Variants in XKR5 observed in about 807,000 individuals in gnomAD.
XKR5 encodes the protein XK related 5, also known as XK-related protein 5.
In XKR5, 46 loss-of-function variants were observed where a neutral mutation model predicts 40.8. That is an observed-to-expected ratio of 1.13 (90% CI 0.89 to 1.44). XKR5 has a LOEUF of 1.44. Ranked by LOEUF, XKR5 falls within the 40% of genes most tolerant of loss-of-function variation. XKR5 has a pLI of 0.00. For missense variants in XKR5, 1,169 were observed against 844.7 expected (o/e 1.38, Z -4.76); for synonymous variants, 466 against 356.1 (o/e 1.31, Z -3.48).
Position 6,824,115 on chromosome 8 carries a change from A to C in XKR5, c.428-385T>G, listed in dbSNP as rs183096528. On this transcript the variant is annotated intron_variant, in intron 3 of 6. Coordinates refer to ENST00000618742, the MANE Select transcript of XKR5 (RefSeq NM_207411.5). ...AGGCTCTGAACATGGTTCCACCCCA[A>C]ATGTACTTTGCTGTTTTATCCATAT... 4.5e-3 allele frequency among the ~76,000 whole-genome samples: 685 copies of C among 152,334 alleles called. 5 individuals carry two copies. Among genetic ancestry groups the C allele is most frequent in the African/African-American group, 0.016 (663 of 41,576 alleles).
At chr8:6,824,525 AATT>A (rs141743137) in intron 3 of XKR5, among the ~76,000 whole-genome samples, 2 of 151,724 alleles carry the variant, frequency 1.3e-5, no homozygotes, top group African/African-American at 2.4e-5. Flanking sequence ...CTTTGTTAAG[AATT>A]ATTATTATTA....
In XKR5 at chr8:6,809,030, G is replaced by C. The variant is rs147291608; in HGVS notation, c.*2168C>G. 7 of 152,356 alleles carry C rather than the reference G, an allele frequency of 4.6e-5. No individual in the cohort carries two copies. The highest frequency in any genetic ancestry group is 1.7e-4 in the African/African-American group (7 of 41,568). The allele number at this position is 152,356 out of a possible 1,614,324, so 9.4% of individuals were successfully genotyped here. Reference sequence around the variant, plus strand: ...TCAGGGAGGCAGGGCTTCAAGTTTAGGAAGAGGTCACCAGAGGGCAAAGGG... The same window carrying C: ...TCAGGGAGGCAGGGCTTCAAGTTTACGAAGAGGTCACCAGAGGGCAAAGGG... On this transcript the variant is annotated 3_prime_UTR_variant, in exon 7 of 7. Coordinates refer to ENST00000618742, the MANE Select transcript of XKR5 (RefSeq NM_207411.5).
At chr8:6,819,185 G>A (rs536860875) in intron 5 of XKR5, among the ~76,000 whole-genome samples, 14 of 152,340 alleles carry the variant, frequency 9.2e-5, no homozygotes, top group African/African-American at 3.1e-4. Context: ...CAAGTCTGGG[G>A]CTTCCAGACA....
At chr8:6,829,775 C>CT (rs1375322741) in intron 2 of XKR5, among the ~76,000 whole-genome samples, 1 of 150,750 alleles carries the variant, frequency 6.6e-6, no homozygotes, top group East Asian at 1.9e-4. Flanking sequence ...CCTCCACCTC[C>CT]TAAAGCACTG....
chr8:6,828,759 T>A (rs1804631063), intron 2 of XKR5, among the ~76,000 whole-genome samples: 1 of 152,202 alleles, frequency 6.6e-6, no homozygotes, highest in Admixed American at 6.5e-5. Flanking sequence ...GTCTACAGGC[T>A]CATTTGCCCA....
Position 6,811,153 on chromosome 8 carries a change from C to G in XKR5, c.*45G>C. The G allele has an allele frequency of 6.7e-7, 1 of 1,491,080 alleles. No homozygotes were observed. Among genetic ancestry groups the G allele is most frequent in the Non-Finnish European group, 8.9e-7 (1 of 1,120,632 alleles). 92.4% of individuals were successfully genotyped at this position (1,491,080 alleles called of 1,614,324 possible). ...TTCCTTTCTCACGGTACCAAATGGC[C>G]AGCTTGGTTTGTCAGCCTGTTGTCT... On this transcript the variant is annotated 3_prime_UTR_variant, in exon 7 of 7. Coordinates refer to ENST00000618742, the MANE Select transcript of XKR5 (RefSeq NM_207411.5).
chr8:6,811,188 A>G lies in XKR5; in HGVS notation c.*10T>C, dbSNP rs1297435975. 1.3e-6 allele frequency: 2 copies of G among 1,530,350 alleles called. No individual in the cohort carries two copies. Among genetic ancestry groups the G allele is most frequent in the South Asian group, 1.2e-5 (1 of 83,384 alleles). The allele number at this position is 1,530,350 out of a possible 1,614,324, so 94.8% of individuals were successfully genotyped here. On this transcript the variant is annotated 3_prime_UTR_variant, in exon 7 of 7. Coordinates refer to ENST00000618742, the MANE Select transcript of XKR5 (RefSeq NM_207411.5). ...TGTCAGCCTGTTGTCTTATCCCACCATGACTGTGGTCAGATGAAAAAACTC... is the reference window on the plus strand; with the variant it reads ...TGTCAGCCTGTTGTCTTATCCCACCGTGACTGTGGTCAGATGAAAAAACTC...
At chr8:6,821,285 G>A (rs1193618005) in intron 5 of XKR5, among the ~76,000 whole-genome samples, 1 of 152,228 alleles carries the variant, frequency 6.6e-6, no homozygotes, top group Non-Finnish European at 1.5e-5. Flanking sequence ...ATCCTGACGA[G>A]AGGTGATGCT....
chr8:6,822,841 C>A (rs1804301198), intron 4 of XKR5, among the ~76,000 whole-genome samples: 1 of 150,650 alleles, frequency 6.6e-6, no homozygotes, highest in East Asian at 1.9e-4. Context: ...GTGGAGCTGT[C>A]CTATTTGCAA....
chr8:6,811,816 T>A lies in XKR5; in HGVS notation c.1443A>T (p.Pro481=). 3.3e-6 allele frequency: 5 copies of A among 1,537,670 alleles called. No homozygotes were observed. The highest frequency in any genetic ancestry group is 3.5e-6 in the Non-Finnish European group (4 of 1,147,006). ...AAGATACGTAACTTGAGGTTTCCAA[T>A]GGGTCGGCCTCTGCTTTAGGGACAC... ...FEGVPKAEAD[P]LETSSYVSFA... The change falls in exon 7 of 7, where the codon CCA becomes CCT. Residue 481 remains proline (P), a synonymous_variant. Coordinates refer to ENST00000618742, the MANE Select transcript of XKR5 (RefSeq NM_207411.5).
Position 6,811,142 on chromosome 8 carries a change from T to C in XKR5, c.*56A>G. 7 of 1,471,240 alleles carry C rather than the reference T, an allele frequency of 4.8e-6. No homozygotes were observed. Among genetic ancestry groups the C allele is most frequent in the South Asian group, 2.7e-5 (2 of 73,818 alleles). The allele number at this position is 1,471,240 out of a possible 1,614,324, so 91.1% of individuals were successfully genotyped here. A position where few individuals can be genotyped will look rare whatever the true frequency, so the allele number is the denominator to read the frequency against. On this transcript the variant is annotated 3_prime_UTR_variant, in exon 7 of 7. Coordinates refer to ENST00000618742, the MANE Select transcript of XKR5 (RefSeq NM_207411.5). ...AGAAGTGGGATTTCCTTTCTCACGG[T>C]ACCAAATGGCCAGCTTGGTTTGTCA...
intron 4 of XKR5, among the ~76,000 whole-genome samples, chr8:6,822,298 C>G (rs1424202407): frequency 6.6e-6 from 1 of 152,224 alleles, no homozygotes; most frequent in African/African-American, 2.4e-5. Context: ...TTCAATAACA[C>G]TTGCCAAATA....
At chr8:6,818,485 C>G (rs1369501972) in intron 5 of XKR5, among the ~76,000 whole-genome samples, 1 of 152,204 alleles carries the variant, frequency 6.6e-6, no homozygotes, top group African/African-American at 2.4e-5. Context: ...CAGGAGGAAG[C>G]TCAATGTGTG....
At position 6,812,059 on chromosome 8, in the gene XKR5, G is replaced by A. The variant is rs761781133; in HGVS notation, c.1200C>T (p.Leu400=). 2.6e-6 allele frequency: 4 copies of A among 1,539,634 alleles called. No individual in the cohort carries two copies. In the South Asian group the frequency reaches 3.6e-5, roughly 14 times the overall value. The part of the protein sequence containing the change: ...GTQVAVEDSF[L]SHHHWLWVKL... Reference sequence around the variant, plus strand: ...TCACCCACAGCCAGTGGTGATGACTGAGGAAAGAGTCCTCCACAGCAACCT... The same window carrying A: ...TCACCCACAGCCAGTGGTGATGACTAAGGAAAGAGTCCTCCACAGCAACCT... The change falls in exon 7 of 7, where the codon CTC becomes CTT. Residue 400 remains leucine, a synonymous_variant. Transcript: ENST00000618742.
At chr8:6,816,116 T>TAGAA (rs1803948620) in intron 5 of XKR5, among the ~76,000 whole-genome samples, 198 bp from the exon 6 acceptor site, 2 of 152,024 alleles carry the variant, frequency 1.3e-5, no homozygotes, top group African/African-American at 2.4e-5. Flanking sequence ...CACCCTGTTC[T>TAGAA]CAGGGTGGCT....
chr8:6,810,131 G>GAAACA lies in XKR5; in HGVS notation c.*1062_*1066dup, dbSNP rs959117850. ...GTCTCAACAAATAAACAAATGAAATGAAACAAAACAAAACAAAAATACCCA... is the reference window on the plus strand; with the variant it reads ...GTCTCAACAAATAAACAAATGAAATGAAACAAAACAAAACAAAACAAAAATACCCA... On this transcript the variant is annotated 3_prime_UTR_variant, in exon 7 of 7. Coordinates refer to ENST00000618742, the MANE Select transcript of XKR5 (RefSeq NM_207411.5). 2 of 151,946 alleles carry GAAACA rather than the reference G, an allele frequency of 1.3e-5. No individual in the cohort carries two copies. Among genetic ancestry groups the GAAACA allele is most frequent in the Non-Finnish European group, 2.9e-5 (2 of 67,990 alleles). 9.4% of individuals were successfully genotyped at this position (151,946 alleles called of 1,614,324 possible).
chr8:6,816,630 TTA>T (rs1417570393), intron 5 of XKR5, among the ~76,000 whole-genome samples: 19 of 149,280 alleles, frequency 1.3e-4, no homozygotes, highest in Non-Finnish European at 1.5e-5. Context: ...ACTGTGTGTT[TTA>T]TATTTAATAT....
At chr8:6,816,038 C>CA (rs1803944234) in intron 5 of XKR5, 120 bp from the exon 6 acceptor site, 1 of 705,724 alleles carries the variant, frequency 1.4e-6, no homozygotes, top group African/African-American at 1.8e-5. Context: ...CTGGAGACTC[C>CA]AGGCTGCTGA....
In XKR5 at chr8:6,811,809, T is replaced by G. The variant is rs779662971; in HGVS notation, c.1450A>C (p.Thr484Pro). The change falls in exon 7 of 7, where the codon ACC (threonine) becomes CCC (proline). Residue 484 changes from threonine (T) to proline (P), a missense_variant. Physicochemically the swap from Thr to Pro is conservative, Grantham distance 38. Coordinates refer to ENST00000618742, the MANE Select transcript of XKR5 (RefSeq NM_207411.5). Reference protein sequence around the residue: ...VPKAEADPLETSSYVSFASDQ... With the variant: ...VPKAEADPLEPSSYVSFASDQ... ...CTGGCAAAAGATACGTAACTTGAGG[T>G]TTCCAATGGGTCGGCCTCTGCTTTA... The G allele has an allele frequency of 1.6e-5, 24 of 1,537,310 alleles. No homozygotes were observed. Among genetic ancestry groups the G allele is most frequent in the Admixed American group, 1.4e-4 (7 of 50,966 alleles).
Sources: gnomAD v4.1 joint callset for allele counts (sites outside exome capture counted in the v4.1 genomes callset) on GRCh38, gnomAD v4.1.1 for gene constraint, MANE v1.5 for transcripts, NCBI Gene and HGNC (gene_info 2026-07-23, HGNC 2026-07-21) for gene names.